The following TMF1 variants were observed in gnomAD, a reference collection of about 807,000 sequenced individuals.
TMF1 encodes the protein TATA element modulatory factor 1, also known as TATA element modulatory factor.
In TMF1, 71 loss-of-function variants were observed where a neutral mutation model predicts 126.5. The observed-to-expected ratio is 0.56, with a 90% CI of 0.46 to 0.68. TMF1 has a LOEUF of 0.68. Among genes scored for constraint, TMF1 ranks in the 30% least tolerant of loss-of-function variants. The pLI is 0.00. For synonymous variants in TMF1, 461 were observed against 430.5 expected (o/e 1.07, Z -0.88); for missense variants, 1,259 against 1,253.2 (o/e 1.00, Z -0.07).
At position 69,052,272 on chromosome 3, in the gene TMF1, G is replaced by A. The variant is rs1261830510; in HGVS notation, c.-186C>T. On this transcript the variant is annotated 5_prime_UTR_variant, in exon 1 of 17. Transcript: ENST00000398559. ...CCCTCGGCCGTTCCCGCACAGCTGA[G>A]ACGAAGGGGGCCCATGTGCGCATGC... 1.1e-5 allele frequency: 6 copies of A among 541,590 alleles called. No individual in the cohort carries two copies. The South Asian group carries it at 1.3e-4, about 12-fold the overall frequency. 33.5% of individuals were successfully genotyped at this position (541,590 alleles called of 1,614,324 possible).
In TMF1 at chr3:69,019,939, A is replaced by T. The variant is rs1175318493; in HGVS notation, c.*3238T>A. On this transcript the variant is annotated 3_prime_UTR_variant, in exon 17 of 17. Transcript: ENST00000398559. ...AAATCATACTTTCAGCCCTTTACAAAATATGTGATTAAAGTTTTCATGGTT... is the reference window on the plus strand; with the variant it reads ...AAATCATACTTTCAGCCCTTTACAATATATGTGATTAAAGTTTTCATGGTT... 2 of 152,142 alleles carry T rather than the reference A, an allele frequency of 1.3e-5. No homozygotes were observed. Among genetic ancestry groups the T allele is most frequent in the Non-Finnish European group, 2.9e-5 (2 of 68,006 alleles). The allele number at this position is 152,142 out of a possible 1,614,324, so 9.4% of individuals were successfully genotyped here.
At chr3:69,035,334 A>G (rs1439139211) in intron 8 of TMF1, 2 of 524,246 alleles carry the variant, frequency 3.8e-6, no homozygotes, top group African/African-American at 3.8e-5. Flanking sequence ...CTGTTAAGGC[A>G]AAGAAACGCA....
intron 2 of TMF1, among the ~76,000 whole-genome samples, chr3:69,046,257 T>G (rs1483425416): frequency 6.6e-6 from 1 of 151,354 alleles, no homozygotes; most frequent in Non-Finnish European, 1.5e-5. Context: ...GTGATAAACT[T>G]GAGTATAAAA....
chr3:69,039,438 CT>C, intron 6 of TMF1, 112 bp downstream of exon 6: 1 of 1,197,918 alleles, frequency 8.3e-7, no homozygotes. Flanking sequence ...TTGAAAAATC[CT>C]TCTTACATGA....
At chr3:69,046,004 C>A (rs2091893847) in intron 2 of TMF1, among the ~76,000 whole-genome samples, 1 of 152,066 alleles carries the variant, frequency 6.6e-6, no homozygotes, top group Non-Finnish European at 1.5e-5. Context: ...TGCCGTGAGC[C>A]ATGATCGCAC....
chr3:69,048,290 T>C lies in TMF1; in HGVS notation c.415A>G (p.Ile139Val), dbSNP rs1191912594. 70 of 1,614,092 alleles carry C rather than the reference T, an allele frequency of 4.3e-5. No individual in the cohort carries two copies. The highest frequency in any genetic ancestry group is 5.5e-5 in the Non-Finnish European group (65 of 1,180,042). Residue 139 changes from isoleucine to valine, a missense_variant, in exon 2 of 17, where the codon ATT (isoleucine) becomes GTT (valine). Transcript: ENST00000398559. Reference sequence around the variant, plus strand: ...GTTTCAGGAGTTCTTGACTGGCCAATGTGCAAGGATTCATGTAAGCTGCTT... The same window carrying C: ...GTTTCAGGAGTTCTTGACTGGCCAACGTGCAAGGATTCATGTAAGCTGCTT... The part of the protein sequence containing the change: ...VKSSLHESLH[I>V]GQSRTPETTE...
chr3:69,035,133 A>C lies in TMF1; in HGVS notation c.2152-18T>G, dbSNP rs1172374273. 6.3e-7 allele frequency: 1 copy of C among 1,595,316 alleles called. No individual in the cohort carries two copies. The highest frequency in any genetic ancestry group is 1.3e-5 in the African/African-American group (1 of 74,542). ...TCCCCCACCTGTAGGAGGAGAAACA[A>C]TACATTCACAAACAATGGTACAGTA... On this transcript the variant is annotated intron_variant, in intron 8 of 16. Transcript: ENST00000398559.
chr3:69,051,225 C>G, intron 1 of TMF1, among the ~76,000 whole-genome samples: 1 of 152,106 alleles, frequency 6.6e-6, no homozygotes, highest in Non-Finnish European at 1.5e-5. Flanking sequence ...GCCTGTAATC[C>G]CAGCACTTTA....
chr3:69,031,354 G>A (rs969010420), intron 10 of TMF1, among the ~76,000 whole-genome samples: 12 of 152,130 alleles, frequency 7.9e-5, no homozygotes, highest in South Asian at 4.1e-4. Context: ...ACTCAATAGT[G>A]TTGGAACTGT....
intron 7 of TMF1, 45 bp from the exon 8 acceptor site, chr3:69,038,765 T>A: frequency 6.3e-7 from 1 of 1,590,590 alleles, no homozygotes; most frequent in Non-Finnish European, 8.5e-7. Context: ...AGTGATCAGA[T>A]AATAGAAAAA....
At chr3:69,043,987 A>G (rs1575818431) in intron 3 of TMF1, 111 bp from the exon 4 acceptor site, 1 of 815,848 alleles carries the variant, frequency 1.2e-6, no homozygotes, top group Non-Finnish European at 1.8e-6. Flanking sequence ...ATACCTTATT[A>G]AAATAGAACA....
At chr3:69,048,765 G>T in intron 1 of TMF1, 1 of 465,572 alleles carries the variant, frequency 2.1e-6, no homozygotes, top group Non-Finnish European at 3.7e-6. Context: ...AAACTGGTGT[G>T]GGTCCACCTG....
At chr3:69,030,209 T>C (rs2107457800) in intron 10 of TMF1, 3 of 443,786 alleles carry the variant, frequency 6.8e-6, no homozygotes, top group Non-Finnish European at 1.2e-5. Flanking sequence ...TTTCCAAAAG[T>C]ATTTTAATTT....
In TMF1 at chr3:69,021,045, C is replaced by T. The variant is rs1001163345; in HGVS notation, c.*2132G>A. The T allele has an allele frequency of 1.2e-4, 18 of 152,260 alleles. No homozygotes were observed. Among genetic ancestry groups the T allele is most frequent in the African/African-American group, 3.9e-4 (16 of 41,556 alleles). 9.4% of individuals were successfully genotyped at this position (152,260 alleles called of 1,614,324 possible). On this transcript the variant is annotated 3_prime_UTR_variant, in exon 17 of 17. Coordinates refer to ENST00000398559, the MANE Select transcript of TMF1 (RefSeq NM_007114.3). ...TCCACGATTTTGCTTTCTGTGGTTT[C>T]GGTTACTCACGGTCAACCACAGTCT...
Position 69,020,214 on chromosome 3 carries a change from C to T in TMF1, c.*2963G>A, listed in dbSNP as rs1436378175. 6.6e-6 allele frequency: 1 copy of T among 152,168 alleles called. No individual in the cohort carries two copies. Among genetic ancestry groups the T allele is most frequent in the African/African-American group, 2.4e-5 (1 of 41,434 alleles). 9.4% of individuals were successfully genotyped at this position (152,168 alleles called of 1,614,324 possible). A position where few individuals can be genotyped will look rare whatever the true frequency, so the allele number is the denominator to read the frequency against. ...AAAAATTTCCTGAACATTCTTTTCA[C>T]TTACTTCACTACAAACTTCATGTTT... On this transcript the variant is annotated 3_prime_UTR_variant, in exon 17 of 17. Coordinates refer to ENST00000398559, the MANE Select transcript of TMF1 (RefSeq NM_007114.3).
chr3:69,034,507 G>A (rs948738732), intron 9 of TMF1, among the ~76,000 whole-genome samples: 1 of 151,980 alleles, frequency 6.6e-6, no homozygotes, highest in Admixed American at 6.6e-5. Context: ...ATAAATAAGT[G>A]CTTCTTTAAA....
chr3:69,038,555 A>G lies in TMF1; in HGVS notation c.2151+9T>C. 3 of 1,610,044 alleles carry G rather than the reference A, an allele frequency of 1.9e-6. No homozygotes were observed. The highest frequency in any genetic ancestry group is 2.5e-6 in the Non-Finnish European group (3 of 1,178,706). ...TTAAAACTACTCTAATTCATCATCC[A>G]TTGCTTACTTGAATGGCTAATGTTT... On this transcript the variant is annotated intron_variant, in intron 8 of 16. Transcript: ENST00000398559.
At chr3:69,031,621 A>G (rs968393236) in intron 10 of TMF1, among the ~76,000 whole-genome samples, 5 of 152,354 alleles carry the variant, frequency 3.3e-5, no homozygotes, top group Admixed American at 3.3e-4. Flanking sequence ...AATCTACATT[A>G]TATCAACAAA....
chr3:69,044,430 T>C (rs1197481802), intron 3 of TMF1, 62 bp downstream of exon 3: 5 of 858,444 alleles, frequency 5.8e-6, no homozygotes, highest in South Asian at 3.9e-5. Flanking sequence ...TTCTTAAATA[T>C]GTACAAAGTA....
Sources: allele counts gnomAD v4.1 joint callset (sites outside exome capture counted in the v4.1 genomes callset), GRCh38; gene constraint gnomAD v4.1.1; transcripts MANE v1.5; gene names NCBI Gene and HGNC (gene_info 2026-07-23, HGNC 2026-07-21).